PLEKHH2: variants seen among roughly 807,000 people sequenced by gnomAD.
PLEKHH2 encodes pleckstrin homology, MyTH4 and FERM domain containing H2.
Under a neutral mutation model 187.9 loss-of-function variants are expected in PLEKHH2, and 129 were observed. That is an observed-to-expected ratio of 0.69 (90% CI 0.59 to 0.79). PLEKHH2 has a LOEUF of 0.79. Among genes scored for constraint, PLEKHH2 ranks in the 30% least tolerant of loss-of-function variants. PLEKHH2 has a pLI of 0.00. For missense variants in PLEKHH2, 2,076 were observed against 1,751.2 expected, an observed-to-expected ratio of 1.19 and a Z score of -3.31; for synonymous variants, 686 against 605.6, an observed-to-expected ratio of 1.13 and a Z score of -1.95.
chr2:43,716,073 T>C (rs143603368), intron 15 of PLEKHH2, among the ~76,000 whole-genome samples: 2 of 152,108 alleles, frequency 1.3e-5, no homozygotes, highest in African/African-American at 2.4e-5. Flanking sequence ...GATTAATAAG[T>C]GAAGTATTTG....
At chr2:43,754,470 G>A (rs369219444) in intron 25 of PLEKHH2, among the ~76,000 whole-genome samples, 6 of 152,238 alleles carry the variant, frequency 3.9e-5, no homozygotes, top group South Asian at 4.2e-4. Flanking sequence ...TGCATAGAAC[G>A]CCTCCATTCA....
chr2:43,725,104 G>T (rs532250223), intron 16 of PLEKHH2, among the ~76,000 whole-genome samples: 1 of 152,332 alleles, frequency 6.6e-6, no homozygotes, highest in South Asian at 2.1e-4. Flanking sequence ...AGCTTGTAAG[G>T]AGGGGATATC....
intron 2 of PLEKHH2, among the ~76,000 whole-genome samples, chr2:43,660,171 T>C (rs1666995078): frequency 1.3e-5 from 2 of 152,006 alleles, no homozygotes; most frequent in Non-Finnish European, 2.9e-5. Context: ...CTCTATCGTT[T>C]AGAATGCTTT....
intron 15 of PLEKHH2, among the ~76,000 whole-genome samples, chr2:43,713,142 C>A (rs1198666724): frequency 6.9e-6 from 1 of 145,780 alleles, no homozygotes; most frequent in Non-Finnish European, 1.5e-5. Context: ...TTTGATCCAG[C>A]AATCTCAGTT....
At chr2:43,659,985 T>A (rs1666986684) in intron 2 of PLEKHH2, among the ~76,000 whole-genome samples, 1 of 152,212 alleles carries the variant, frequency 6.6e-6, no homozygotes, top group South Asian at 2.1e-4. Flanking sequence ...ACTACCACAA[T>A]CAACATAAAC....
At chr2:43,676,319 C>T in intron 2 of PLEKHH2, 1 of 1,603,526 alleles carries the variant, frequency 6.2e-7, no homozygotes, top group Admixed American at 1.7e-5. Context: ...CTAGCGGAAA[C>T]CATTTTCCAG....
chr2:43,656,081 C>T (rs1558427151), intron 2 of PLEKHH2, among the ~76,000 whole-genome samples: 4 of 151,926 alleles, frequency 2.6e-5, no homozygotes, highest in Non-Finnish European at 4.4e-5. Flanking sequence ...GCCTCAGCCT[C>T]CCGAGTAGCT....
chr2:43,684,584 A>C (rs1425012238), intron 3 of PLEKHH2, among the ~76,000 whole-genome samples: 9 of 150,852 alleles, frequency 6.0e-5, no homozygotes, highest in African/African-American at 2.2e-4. Flanking sequence ...TATGAGATCC[A>C]GTGAGGAGTC....
chr2:43,750,538 T>C (rs1015560360), intron 24 of PLEKHH2, among the ~76,000 whole-genome samples: 4 of 151,950 alleles, frequency 2.6e-5, no homozygotes, highest in African/African-American at 9.7e-5. Context: ...TGGGGAATAC[T>C]ACTACTGGTA....
intron 2 of PLEKHH2, among the ~76,000 whole-genome samples, chr2:43,676,614 A>G (rs1232424890): frequency 2.0e-5 from 3 of 152,082 alleles, no homozygotes; most frequent in Non-Finnish European, 2.9e-5. Flanking sequence ...ACGGCTCTAA[A>G]GTGAGCCAGA....
chr2:43,730,390 T>C (rs983354161), intron 18 of PLEKHH2, among the ~76,000 whole-genome samples: 3 of 152,154 alleles, frequency 2.0e-5, no homozygotes, highest in Non-Finnish European at 4.4e-5. Flanking sequence ...TAGTTTTGCA[T>C]TGAAATTAAG....
chr2:43,737,118 G>A (rs1476760533), intron 19 of PLEKHH2, among the ~76,000 whole-genome samples: 1 of 152,146 alleles, frequency 6.6e-6, no homozygotes, highest in Non-Finnish European at 1.5e-5. Context: ...TAAATGTAAG[G>A]CTGTTTTGGT....
At chr2:43,736,419 C>T (rs759833041) in intron 19 of PLEKHH2, among the ~76,000 whole-genome samples, 2 of 152,164 alleles carry the variant, frequency 1.3e-5, no homozygotes, top group African/African-American at 2.4e-5. Flanking sequence ...GTGATTGCTG[C>T]AGCTTACTGT....
At chr2:43,656,835 T>C (rs1666794060) in intron 2 of PLEKHH2, among the ~76,000 whole-genome samples, 1 of 152,106 alleles carries the variant, frequency 6.6e-6, no homozygotes, top group Non-Finnish European at 1.5e-5. Flanking sequence ...CTGGCCAACA[T>C]GGTAAAACCC....
intron 8 of PLEKHH2, among the ~76,000 whole-genome samples, chr2:43,702,370 G>C (rs2104492597): frequency 6.6e-6 from 1 of 152,194 alleles, no homozygotes; most frequent in Admixed American, 6.5e-5. Context: ...GATAGCACAG[G>C]AAAGTGGAAG....
intron 3 of PLEKHH2, among the ~76,000 whole-genome samples, chr2:43,691,482 T>A (rs1668792226): frequency 6.6e-6 from 1 of 152,128 alleles, no homozygotes; most frequent in African/African-American, 2.4e-5. Flanking sequence ...TAGGTATATG[T>A]AAAATAGGTG....
At chr2:43,686,611 T>A (rs6748895) in intron 3 of PLEKHH2, among the ~76,000 whole-genome samples, 25,133 of 152,228 alleles carry the variant, frequency 0.17, 3,190 homozygotes, top group African/African-American at 0.36. Context: ...CCCTTCATTA[T>A]ATGGAAAGCA....
chr2:43,711,787 G>A (rs56394233), intron 14 of PLEKHH2: 13,220 of 421,760 alleles, frequency 0.031, 1,550 homozygotes, highest in African/African-American at 0.26. Flanking sequence ...CCAGCTGCTC[G>A]GGAGGCCGAG....
At chr2:43,645,839 G>A (rs1165698820) in intron 2 of PLEKHH2, among the ~76,000 whole-genome samples, 2 of 152,074 alleles carry the variant, frequency 1.3e-5, no homozygotes, top group Non-Finnish European at 2.9e-5. Context: ...GAACTGATCA[G>A]AAGAACTTAC....
Sources: allele counts gnomAD v4.1 joint callset (sites outside exome capture counted in the v4.1 genomes callset), GRCh38; gene constraint gnomAD v4.1.1; transcripts MANE v1.5; gene names NCBI Gene and HGNC (gene_info 2026-07-23, HGNC 2026-07-21).